The following TRDN variants were observed in gnomAD, a reference collection of about 807,000 sequenced individuals.
The protein encoded by TRDN is triadin.
A neutral mutation model predicts 149.7 loss-of-function variants in TRDN; 161 were observed. The observed-to-expected ratio is 1.08, with a 90% CI of 0.95 to 1.23. The LOEUF (loss-of-function observed/expected upper bound fraction) is 1.23, where lower values mean the gene tolerates loss of function less well. Ranked by LOEUF, TRDN falls within the 50% of genes most tolerant of loss-of-function variation. The pLI, the probability that TRDN is intolerant of heterozygous loss-of-function variation, is 0.00. For synonymous variants in TRDN, 294 were observed against 250.5 expected (o/e 1.17, Z -1.64); for missense variants, 896 against 823.5 (o/e 1.09, Z -1.08).
At position 123,366,667 on chromosome 6, in the gene TRDN, G is replaced by A. The variant is rs144207122; in HGVS notation, c.1274-485C>T. 3.0e-3 allele frequency among the ~76,000 whole-genome samples: 459 copies of A among 151,988 alleles called. 12 individuals are homozygous for A. In the East Asian group the frequency reaches 0.074, roughly 24 times the overall value. Reference sequence around the variant, plus strand: ...CGAGTAGCTGGGACTACAACCGCCCGCCACCATGCCCAGCTAATTTTTGTA... The same window carrying A: ...CGAGTAGCTGGGACTACAACCGCCCACCACCATGCCCAGCTAATTTTTGTA... On this transcript the variant is annotated intron_variant, in intron 19 of 40. Coordinates refer to ENST00000334268, the MANE Select transcript of TRDN (RefSeq NM_006073.4).
chr6:123,493,184 T>G (rs1421822114), intron 9 of TRDN, among the ~76,000 whole-genome samples: 1 of 152,166 alleles, frequency 6.6e-6, no homozygotes, highest in Admixed American at 6.5e-5. Context: ...ATTCACTTCC[T>G]AGATTTAAAT....
At chr6:123,240,663 A>G (rs923916771) in intron 38 of TRDN, among the ~76,000 whole-genome samples, 1 of 151,926 alleles carries the variant, frequency 6.6e-6, no homozygotes, top group Non-Finnish European at 1.5e-5. Context: ...ACATTATTCA[A>G]ACTCATTTTG....
At chr6:123,586,902 C>T (rs952539037) in intron 1 of TRDN, among the ~76,000 whole-genome samples, 3 of 151,450 alleles carry the variant, frequency 2.0e-5, no homozygotes, top group Admixed American at 1.3e-4. Flanking sequence ...GATTGGGGTG[C>T]AGAGATATAA....
chr6:123,306,332 T>C (rs1452037921), intron 24 of TRDN, among the ~76,000 whole-genome samples: 5 of 152,134 alleles, frequency 3.3e-5, no homozygotes, highest in African/African-American at 1.2e-4. Flanking sequence ...GACAGGTTCA[T>C]CTTGGCATGA....
intron 1 of TRDN, among the ~76,000 whole-genome samples, chr6:123,612,798 A>T (rs1412838209): frequency 6.6e-6 from 1 of 152,168 alleles, no homozygotes; most frequent in East Asian, 1.9e-4. Context: ...TATAGGGTAG[A>T]TATTAATTTT....
At chr6:123,537,881 A>G (rs1382996270) in intron 4 of TRDN, among the ~76,000 whole-genome samples, 1 of 152,204 alleles carries the variant, frequency 6.6e-6, no homozygotes, top group East Asian at 1.9e-4. Context: ...TTATCTACTT[A>G]TGATCATACC....
At chr6:123,429,128 T>C (rs1407693677) in intron 12 of TRDN, 1 of 152,134 alleles carries the variant, frequency 6.6e-6, no homozygotes, top group Non-Finnish European at 1.5e-5. Flanking sequence ...CATTGTTTCC[T>C]AGAATTAGAA....
chr6:123,223,142 C>T (rs939314493), intron 39 of TRDN, among the ~76,000 whole-genome samples: 1 of 151,692 alleles, frequency 6.6e-6, no homozygotes, highest in Non-Finnish European at 1.5e-5. Context: ...AATCCCATTG[C>T]TGGATATAGC....
intron 4 of TRDN, among the ~76,000 whole-genome samples, chr6:123,535,991 T>C (rs541051229): frequency 3.9e-5 from 6 of 152,286 alleles, no homozygotes; most frequent in African/African-American, 1.4e-4. Flanking sequence ...CGGGAGTCAA[T>C]CTGCTCAATT....
At chr6:123,366,849 T>C (rs1276632720) in intron 19 of TRDN, among the ~76,000 whole-genome samples, 1 of 152,130 alleles carries the variant, frequency 6.6e-6, no homozygotes, top group Non-Finnish European at 1.5e-5. Context: ...ACATATGAAT[T>C]ATAGAGAAGA....
At chr6:123,402,182 C>G (rs1773007180) in intron 12 of TRDN, among the ~76,000 whole-genome samples, 1 of 152,162 alleles carries the variant, frequency 6.6e-6, no homozygotes, top group African/African-American at 2.4e-5. Flanking sequence ...TGAACTGCAA[C>G]CTAACTCAGT....
At chr6:123,242,251 G>C (rs1269697332) in intron 38 of TRDN, among the ~76,000 whole-genome samples, 1 of 152,112 alleles carries the variant, frequency 6.6e-6, no homozygotes, top group East Asian at 1.9e-4. Flanking sequence ...ATGTATTTTT[G>C]CTTTTTTAGA....
chr6:123,516,543 A>G (rs373284639), intron 5 of TRDN, among the ~76,000 whole-genome samples: 1 of 152,106 alleles, frequency 6.6e-6, no homozygotes, highest in African/African-American at 2.4e-5. Context: ...CCCGGCTTTG[A>G]TATTGGATGA....
intron 12 of TRDN, among the ~76,000 whole-genome samples, chr6:123,409,369 T>A (rs1172830513): frequency 6.6e-6 from 1 of 152,186 alleles, no homozygotes; most frequent in Non-Finnish European, 1.5e-5. Context: ...GAAAAGAACA[T>A]AAATATTGCA....
intron 25 of TRDN, 36 bp from the exon 26 acceptor site, chr6:123,278,383 T>C (rs1777453846): frequency 1.7e-6 from 2 of 1,173,372 alleles, no homozygotes; most frequent in South Asian, 3.2e-5. Flanking sequence ...ACAATGATTA[T>C]AGAAAGATAT....
chr6:123,615,537 TACACAC>T (rs59953395), intron 1 of TRDN, among the ~76,000 whole-genome samples: 21 of 149,110 alleles, frequency 1.4e-4, no homozygotes, highest in Non-Finnish European at 2.8e-4. Context: ...AACATGTATA[TACACAC>T]ACACACACAC....
At chr6:123,401,104 T>C (rs569988110) in intron 12 of TRDN, among the ~76,000 whole-genome samples, 1 of 152,342 alleles carries the variant, frequency 6.6e-6, no homozygotes, top group Admixed American at 6.5e-5. Flanking sequence ...AAACCAAATA[T>C]GTGGCAATTA....
At chr6:123,325,427 T>C (rs1779406724) in intron 23 of TRDN, among the ~76,000 whole-genome samples, 1 of 152,068 alleles carries the variant, frequency 6.6e-6, no homozygotes, top group Non-Finnish European at 1.5e-5. Context: ...GACCCAGTAT[T>C]AGACTATGAA....
chr6:123,289,654 G>A (rs1777929946), intron 24 of TRDN, among the ~76,000 whole-genome samples: 2 of 152,226 alleles, frequency 1.3e-5, no homozygotes, highest in Admixed American at 6.5e-5. Context: ...TCATAGAAAT[G>A]TCTGCATAAT....
Sources: gnomAD v4.1 joint callset for allele counts (sites outside exome capture counted in the v4.1 genomes callset) on GRCh38, gnomAD v4.1.1 for gene constraint, MANE v1.5 for transcripts, NCBI Gene and HGNC (gene_info 2026-07-23, HGNC 2026-07-21) for gene names.